Variants in USP36 observed in about 807,000 individuals in gnomAD.
USP36 encodes ubiquitin carboxyl-terminal hydrolase 36.
In USP36, 59 loss-of-function variants were observed where a neutral mutation model predicts 111.5. The ratio of observed to expected loss-of-function variants is 0.53; its 90% CI spans 0.43 to 0.66. USP36 has a LOEUF of 0.66. Among genes scored for constraint, USP36 ranks in the 30% least tolerant of loss-of-function variants. The pLI, the probability that USP36 is intolerant of heterozygous loss-of-function variation, is 0.00. For synonymous variants in USP36, 628 were observed against 581.0 expected (o/e 1.08, Z -1.16); for missense variants, 1,488 against 1,468.0 (o/e 1.01, Z -0.22).
At chr17:78,806,131 C>G (rs2093893396) in intron 15 of USP36, 25 bp downstream of exon 15, 2 of 1,612,176 alleles carry the variant, frequency 1.2e-6, no homozygotes, top group Non-Finnish European at 1.7e-6. Context: ...AGTTGGCACC[C>G]AGAAGATCCC....
intron 10 of USP36, among the ~76,000 whole-genome samples, chr17:78,815,869 A>G (rs1274117826): frequency 1.3e-5 from 2 of 152,188 alleles, no homozygotes; most frequent in Non-Finnish European, 2.9e-5. Flanking sequence ...ATACACATGT[A>G]CGCATATACA....
At chr17:78,811,364 C>T (rs1328468213) in intron 13 of USP36, among the ~76,000 whole-genome samples, 4 of 152,084 alleles carry the variant, frequency 2.6e-5, no homozygotes, top group Non-Finnish European at 4.4e-5. Context: ...TGTATATGTA[C>T]GTGTGTATAT....
intron 13 of USP36, among the ~76,000 whole-genome samples, chr17:78,808,639 C>T (rs1455739064): frequency 2.0e-5 from 3 of 152,140 alleles, no homozygotes; most frequent in Non-Finnish European, 4.4e-5. Flanking sequence ...GCTATATTGT[C>T]TCCAACTGTT....
rs758255576 is a variant in USP36, at chr17:78,807,468, G to A, written c.1576C>T (p.Pro526Ser). 1.9e-6 allele frequency: 3 copies of A among 1,614,068 alleles called. No individual in the cohort carries two copies. Among genetic ancestry groups the A allele is most frequent in the South Asian group, 1.1e-5 (1 of 91,066 alleles). The change falls in exon 14 of 21, where the codon CCA (proline) becomes TCA (serine). Residue 526 changes from proline (P) to serine (S), a missense_variant. Physicochemically the swap from Pro to Ser is moderately conservative, Grantham distance 74. Transcript: ENST00000449938. ...TTTCCAGGGTCGTCTAGGATGGTTG[G>A]CATGTGTGTGGGTGTCTGGGAGAGT... Reference protein sequence around the residue: ...PKLSQTPTHMPTILDDPGKKV... With the variant: ...PKLSQTPTHMSTILDDPGKKV...
intron 6 of USP36, chr17:78,826,704 A>C (rs1200117009): frequency 5.2e-6 from 1 of 191,910 alleles, no homozygotes; most frequent in Non-Finnish European, 1.1e-5. Flanking sequence ...TTGTGATGGC[A>C]ACCATCACAT....
chr17:78,811,082 G>A (rs1335347943), intron 13 of USP36, among the ~76,000 whole-genome samples: 1 of 139,038 alleles, frequency 7.2e-6, no homozygotes, highest in African/African-American at 2.7e-5. Context: ...AGTGAGCTGA[G>A]ATGGCGCCAC....
chr17:78,804,625 TAA>T (rs35371422), intron 15 of USP36, among the ~76,000 whole-genome samples: 101 of 38,320 alleles, frequency 2.6e-3, no homozygotes, highest in Middle Eastern at 0.015. Flanking sequence ...CCCTGAGATT[TAA>T]AAAAAAAAAA....
chr17:78,789,197 CAAAAAAAAAAAAA>C (rs869247026), intron 3 of USP36, among the ~76,000 whole-genome samples: 1 of 65,904 alleles, frequency 1.5e-5, no homozygotes, highest in Non-Finnish European at 2.8e-5. Flanking sequence ...AACTTGGTCC[CAAAAAAAAAAAAA>C]AAAAAAAAAA....
intron 7 of USP36, 193 bp from the exon 8 acceptor site, chr17:78,821,254 G>A (rs530245291): frequency 3.5e-5 from 20 of 564,746 alleles, no homozygotes; most frequent in African/African-American, 3.4e-4. Flanking sequence ...AAAGATGGAT[G>A]TCAATATCTT....
chr17:78,813,914 C>T lies in USP36; in HGVS notation c.1165-41G>A, dbSNP rs749810792. 20 of 1,558,224 alleles carry T rather than the reference C, an allele frequency of 1.3e-5. No homozygotes were observed. The Admixed American group carries it at 3.4e-4, about 27-fold the overall frequency. Reference sequence around the variant, plus strand: ...ATGTTGCAGAAAACAAAACAATCAACAAGCATCCCATTATCCTCACTTTTT... The same window carrying T: ...ATGTTGCAGAAAACAAAACAATCAATAAGCATCCCATTATCCTCACTTTTT... On this transcript the variant is annotated intron_variant, in intron 11 of 20. Transcript: ENST00000449938.
chr17:78,803,872 G>A lies in USP36; in HGVS notation c.2323C>T (p.Arg775Trp), dbSNP rs201074072. 79 of 1,611,670 alleles carry A rather than the reference G, an allele frequency of 4.9e-5. No homozygotes were observed. Among genetic ancestry groups the A allele is most frequent in the Non-Finnish European group, 1.9e-5 (23 of 1,179,850 alleles). The change falls in exon 16 of 21, where the codon CGG (arginine) becomes TGG (tryptophan). Residue 775 changes from arginine (R) to tryptophan (W), a missense_variant. By Grantham distance (101) the Arg-to-Trp change is moderately radical (BLOSUM62 -3). Coordinates refer to ENST00000449938, the MANE Select transcript of USP36 (RefSeq NM_001385174.1). The surrounding 1 kb of genome is among the most constrained non-coding windows in gnomAD (Gnocchi z 4.6). The stretch of plus-strand genomic sequence containing the variant: ...GCCGTCGAGATGGAGGAGCAGCTCC[G>A]TGGTTCTGACGTCCCTGGGGGCTTG... ...TPKPPGTSEP[R>W]SCSSISTALP...
chr17:78,832,771 C>T (rs1487032360), intron 4 of USP36, among the ~76,000 whole-genome samples: 1 of 152,156 alleles, frequency 6.6e-6, no homozygotes, highest in Non-Finnish European at 1.5e-5. Context: ...GCCATCTAGT[C>T]AAATCTTACT....
intron 13 of USP36, among the ~76,000 whole-genome samples, chr17:78,809,006 T>C (rs1599010047): frequency 1.3e-5 from 2 of 152,326 alleles, no homozygotes; most frequent in Admixed American, 6.5e-5. Context: ...TTTACTATAC[T>C]CCAGCCACAT....
At chr17:78,794,551 C>T (rs73394911), downstream of USP36, among the ~76,000 whole-genome samples, 1,723 of 152,286 alleles carry the variant, frequency 0.011, 29 homozygotes, top group African/African-American at 0.039. Context: ...CTCTGCCCGC[C>T]GCCTGCGAGA....
chr17:78,802,592 G>A, intron 16 of USP36, 57 bp from the exon 17 acceptor site: 1 of 1,509,962 alleles, frequency 6.6e-7, no homozygotes, highest in Non-Finnish European at 8.9e-7. Flanking sequence ...GGGAGCAGGA[G>A]CGCACAGACA....
rs1032226823 is a variant in USP36 at position 78,821,861 on chromosome 17, C to T, written c.757+76G>A. ...ACAGCGAAGAAAGAGCCCCAGCCTG[C>T]GTTCCAACTCTTAGGGTTTCCTGGG... On this transcript the variant is annotated intron_variant, in intron 7 of 20. Coordinates refer to ENST00000449938, the MANE Select transcript of USP36 (RefSeq NM_001385174.1). 27 of 1,542,444 alleles carry T rather than the reference C, an allele frequency of 1.8e-5. 1 individual carries two copies. The highest frequency in any genetic ancestry group is 5.6e-5 in the South Asian group (5 of 89,150).
rs1214839571 is a variant in USP36, at chr17:78,807,173, G to C, written c.1871C>G (p.Thr624Ser). The change falls in exon 14 of 21, where the codon ACC (threonine) becomes AGC (serine). Residue 624 changes from threonine (T) to serine (S), a missense_variant. Physicochemically the swap from Thr to Ser is moderately conservative, Grantham distance 58. Transcript: ENST00000449938. ...SPEHSASSDS[T>S]KAPQTPRSGA... is the part of the protein sequence containing the mutation. ...ACTCCTGGGGGTCTGGGGGGCCTTG[G>C]TGGAGTCGCTGCTGGCCGAGTGCTC... The C allele has an allele frequency of 1.2e-6, 2 of 1,614,106 alleles. No individual in the cohort carries two copies. Among genetic ancestry groups the C allele is most frequent in the African/African-American group, 1.3e-5 (1 of 74,950 alleles).
chr17:78,813,377 A>C (rs949542312), intron 12 of USP36, among the ~76,000 whole-genome samples: 21 of 152,158 alleles, frequency 1.4e-4, no homozygotes, highest in Non-Finnish European at 2.8e-4. Context: ...CTCCAGGAGA[A>C]GGCCCCTCCA....
intron 6 of USP36, chr17:78,826,405 C>G (rs1156284849): frequency 1.3e-5 from 2 of 152,132 alleles, no homozygotes; most frequent in Non-Finnish European, 2.9e-5. Flanking sequence ...GTAATCCCAG[C>G]TACTGCACTC....
Sources: gnomAD v4.1 joint callset for allele counts (sites outside exome capture counted in the v4.1 genomes callset) on GRCh38, gnomAD v4.1.1 for gene constraint, Gnocchi (gnomAD v3.1) non-coding constraint, MANE v1.5 for transcripts, NCBI Gene and HGNC (gene_info 2026-07-23, HGNC 2026-07-21) for gene names.